PHACTR4: variants seen among roughly 807,000 people sequenced by gnomAD.
The protein encoded by PHACTR4 is protein phosphatase 1, regulatory subunit 124.
Under a neutral mutation model 72.7 loss-of-function variants are expected in PHACTR4, and 51 were observed. The observed-to-expected ratio is 0.70, with a 90% CI of 0.56 to 0.89. The LOEUF (loss-of-function observed/expected upper bound fraction) is 0.89. PHACTR4 is among the 40% of genes least tolerant of loss of function. The pLI is 0.00. For synonymous variants in PHACTR4, 255 were observed against 302.5 expected (o/e 0.84, Z 1.63); for missense variants, 731 against 861.8 (o/e 0.85, Z 1.90).
At chr1:28,443,961 A>G (rs1295525003) in intron 2 of PHACTR4, among the ~76,000 whole-genome samples, 3 of 151,794 alleles carry the variant, frequency 2.0e-5, no homozygotes, top group African/African-American at 7.3e-5. Flanking sequence ...TTGCTGGATC[A>G]TATGGTAGCG....
At chr1:28,454,596 T>G (rs374632207) in intron 2 of PHACTR4, among the ~76,000 whole-genome samples, 1 of 152,054 alleles carries the variant, frequency 6.6e-6, no homozygotes, top group Admixed American at 6.6e-5. Context: ...TTAACATACC[T>G]CTCTCAGTTA....
intron 1 of PHACTR4, among the ~76,000 whole-genome samples, chr1:28,390,010 A>G (rs766163156): frequency 6.6e-6 from 1 of 152,214 alleles, no homozygotes; most frequent in Non-Finnish European, 1.5e-5. Context: ...TTTGGTATAT[A>G]TACACAACGA....
At chr1:28,478,618 TTTTG>T (rs1477166049) in intron 8 of PHACTR4, among the ~76,000 whole-genome samples, 4 of 151,934 alleles carry the variant, frequency 2.6e-5, no homozygotes, top group South Asian at 4.2e-4. Flanking sequence ...TTGTTTTTGT[TTTTG>T]TTTTTGTTTT....
chr1:28,461,093 C>T (rs1206919132), intron 4 of PHACTR4, among the ~76,000 whole-genome samples: 4 of 152,170 alleles, frequency 2.6e-5, no homozygotes, highest in African/African-American at 9.7e-5. Flanking sequence ...ACATTGGTTG[C>T]ATCTCATTTC....
chr1:28,446,393 G>A (rs1657469232), intron 2 of PHACTR4, among the ~76,000 whole-genome samples: 1 of 152,196 alleles, frequency 6.6e-6, no homozygotes, highest in Non-Finnish European at 1.5e-5. Context: ...GACCTGGTGG[G>A]AGGTGATTGG....
chr1:28,489,083 G>A (rs1660880988), intron 9 of PHACTR4, 87 bp from the exon 10 acceptor site: 5 of 910,842 alleles, frequency 5.5e-6, no homozygotes. Flanking sequence ...TTATATAGGG[G>A]CTAATATATA....
intron 8 of PHACTR4, among the ~76,000 whole-genome samples, chr1:28,477,088 A>AT (rs761589104): frequency 0.011 from 1,395 of 129,586 alleles, 18 homozygotes; most frequent in African/African-American, 0.035. Context: ...TATATATATA[A>AT]TTTTTTTTTT....
intron 1 of PHACTR4, among the ~76,000 whole-genome samples, chr1:28,387,499 C>T (rs1652653953): frequency 6.6e-6 from 1 of 151,954 alleles, no homozygotes; most frequent in African/African-American, 2.4e-5. Flanking sequence ...TTGCACATAC[C>T]CAATTTTGCC....
intron 2 of PHACTR4, chr1:28,453,655 C>A: frequency 2.3e-6 from 3 of 1,298,542 alleles, no homozygotes; most frequent in Non-Finnish European, 2.2e-6. Flanking sequence ...TTCTAACATC[C>A]AAAAATCAGA....
intron 2 of PHACTR4, among the ~76,000 whole-genome samples, chr1:28,431,531 C>G (rs780670139): frequency 3.8e-4 from 57 of 151,914 alleles, no homozygotes; most frequent in Non-Finnish European, 6.5e-4. Context: ...AAACACCAAA[C>G]ACCACATTCC....
intron 2 of PHACTR4, among the ~76,000 whole-genome samples, chr1:28,427,805 A>G (rs1655968630): frequency 6.6e-6 from 1 of 152,202 alleles, no homozygotes. Flanking sequence ...CCCAACACCT[A>G]GAATGATACC....
At chr1:28,423,468 T>C (rs937772146) in intron 2 of PHACTR4, among the ~76,000 whole-genome samples, 2 of 152,070 alleles carry the variant, frequency 1.3e-5, no homozygotes, top group Non-Finnish European at 1.5e-5. Flanking sequence ...TCTTGCGCTC[T>C]CATAAAACAT....
chr1:28,402,796 T>G (rs1264398348), intron 1 of PHACTR4, among the ~76,000 whole-genome samples: 1 of 152,192 alleles, frequency 6.6e-6, no homozygotes, highest in East Asian at 1.9e-4. Context: ...CAAGACATGC[T>G]TCTGTTTGTG....
intron 2 of PHACTR4, among the ~76,000 whole-genome samples, chr1:28,443,958 A>G (rs920858431): frequency 1.6e-4 from 24 of 151,558 alleles, no homozygotes; most frequent in African/African-American, 5.6e-4. Flanking sequence ...GTATTGCTGG[A>G]TCATATGGTA....
intron 2 of PHACTR4, chr1:28,438,041 G>T (rs201304115): frequency 2.0e-6 from 1 of 496,382 alleles, no homozygotes. Context: ...AGTCAGGAAC[G>T]GGGGTGTGGA....
At chr1:28,396,255 G>A (rs996561363) in intron 1 of PHACTR4, among the ~76,000 whole-genome samples, 1 of 152,020 alleles carries the variant, frequency 6.6e-6, no homozygotes, top group Non-Finnish European at 1.5e-5. Context: ...CATGTAGCCA[G>A]GCACGGTGGC....
At chr1:28,388,475 G>GT (rs1652744102) in intron 1 of PHACTR4, among the ~76,000 whole-genome samples, 1 of 152,226 alleles carries the variant, frequency 6.6e-6, no homozygotes, top group Non-Finnish European at 1.5e-5. Flanking sequence ...AGGACAATCA[G>GT]TGTCTTCAGT....
chr1:28,476,391 TCTC>T, intron 8 of PHACTR4, 100 bp downstream of exon 8: 1 of 1,222,094 alleles, frequency 8.2e-7, no homozygotes, highest in Non-Finnish European at 1.1e-6. Flanking sequence ...ACAGGTACCT[TCTC>T]CCATTAAGTC....
chr1:28,428,961 A>G (rs1425060204), intron 2 of PHACTR4, among the ~76,000 whole-genome samples: 1 of 152,230 alleles, frequency 6.6e-6, no homozygotes, highest in Non-Finnish European at 1.5e-5. Context: ...TTACATAGTT[A>G]TATGACTGTA....
Sources: allele counts gnomAD v4.1 joint callset (sites outside exome capture counted in the v4.1 genomes callset), GRCh38; gene constraint gnomAD v4.1.1; transcripts MANE v1.5; gene names NCBI Gene and HGNC (gene_info 2026-07-23, HGNC 2026-07-21).